Variants in ANO2 observed in about 807,000 individuals in gnomAD.
ANO2 encodes the protein anoctamin 2.
Under a neutral mutation model 124.2 loss-of-function variants are expected in ANO2, and 101 were observed. The observed-to-expected ratio is 0.81, with a 90% CI of 0.69 to 0.96. The LOEUF (loss-of-function observed/expected upper bound fraction) is 0.96, where lower values mean the gene tolerates loss of function less well. ANO2 is among the 40% of genes least tolerant of loss of function. The probability of loss-of-function intolerance (pLI) is 0.00; values close to 1 mark genes in which losing one functional copy is unlikely to be tolerated. For missense variants in ANO2, 1,293 were observed against 1,274.5 expected, an observed-to-expected ratio of 1.01 and a Z score of -0.22; for synonymous variants, 486 against 482.5, an observed-to-expected ratio of 1.01 and a Z score of -0.09.
chr12:5,695,540 T>A (rs1229680718), intron 14 of ANO2, among the ~76,000 whole-genome samples: 1 of 152,130 alleles, frequency 6.6e-6, no homozygotes, highest in Middle Eastern at 3.2e-3. Context: ...CAAAACACAC[T>A]TCTAAATAAC....
intron 3 of ANO2, among the ~76,000 whole-genome samples, chr12:5,867,648 G>C (rs1331863949): frequency 6.6e-6 from 1 of 152,100 alleles, no homozygotes; most frequent in East Asian, 1.9e-4. Flanking sequence ...ACTCAGCCTT[G>C]AGAGATATTA....
chr12:5,927,966 G>A (rs1942163007), intron 1 of ANO2, among the ~76,000 whole-genome samples: 1 of 152,176 alleles, frequency 6.6e-6, no homozygotes, highest in Non-Finnish European at 1.5e-5. Flanking sequence ...GAGAAGCTTG[G>A]GCATGTAGCT....
At chr12:5,939,951 G>A (rs1354081820) in intron 1 of ANO2, among the ~76,000 whole-genome samples, 2 of 152,176 alleles carry the variant, frequency 1.3e-5, no homozygotes, top group East Asian at 3.8e-4. Context: ...CTTATATTGT[G>A]TTAAAGTTAT....
intron 20 of ANO2, among the ~76,000 whole-genome samples, chr12:5,596,071 G>A (rs1008972010): frequency 2.0e-5 from 3 of 152,144 alleles, no homozygotes; most frequent in African/African-American, 4.8e-5. Flanking sequence ...CTATCTGGGT[G>A]AAATAATAAT....
At chr12:5,837,378 T>C (rs71459975) in intron 4 of ANO2, among the ~76,000 whole-genome samples, 1 of 143,402 alleles carries the variant, frequency 7.0e-6, no homozygotes, top group Admixed American at 7.4e-5. Context: ...GTGCACATTG[T>C]GCGTTAGTTA....
At chr12:5,919,548 G>A (rs921428523) in intron 3 of ANO2, among the ~76,000 whole-genome samples, 3 of 151,326 alleles carry the variant, frequency 2.0e-5, no homozygotes, top group African/African-American at 7.3e-5. Context: ...AAAGACCTGA[G>A]GTCAAGGTGC....
intron 10 of ANO2, among the ~76,000 whole-genome samples, chr12:5,763,160 A>G (rs1034803595): frequency 6.6e-6 from 1 of 152,032 alleles, no homozygotes; most frequent in Non-Finnish European, 1.5e-5. Context: ...GGGACATCCC[A>G]CAGGGACCAA....
At chr12:5,615,332 T>C (rs1303514728) in intron 16 of ANO2, 35 bp from the exon 17 acceptor site, 1 of 1,541,326 alleles carries the variant, frequency 6.5e-7, no homozygotes, top group South Asian at 1.2e-5. Context: ...GAGATTGGGG[T>C]GAGATTTCTC....
At chr12:5,736,580 T>A (rs1452652757) in intron 13 of ANO2, among the ~76,000 whole-genome samples, 1 of 152,208 alleles carries the variant, frequency 6.6e-6, no homozygotes, top group Admixed American at 6.5e-5. Flanking sequence ...TGCCTTCCAC[T>A]CACTCCTCGT....
chr12:5,923,148 A>C (rs1159543458), intron 1 of ANO2, among the ~76,000 whole-genome samples: 1 of 116,498 alleles, frequency 8.6e-6, no homozygotes, highest in Non-Finnish European at 1.8e-5. Context: ...ACACATGCAC[A>C]CATACACACA....
chr12:5,661,072 T>C (rs1296574716), intron 14 of ANO2, among the ~76,000 whole-genome samples: 1 of 151,542 alleles, frequency 6.6e-6, no homozygotes, highest in Non-Finnish European at 1.5e-5. Context: ...CAGCAAGGAG[T>C]GTTAAGTGAC....
chr12:5,744,111 T>A lies in ANO2; in HGVS notation c.1351+46A>T, dbSNP rs761277703. 1.2e-5 allele frequency: 19 copies of A among 1,609,060 alleles called. No homozygotes were observed. The Admixed American group carries it at 3.0e-4, about 25-fold the overall frequency. ...CTTTACAGCTTGGTCACTGTGCCCATGTAAAGGAACCACCCATATAAGCAA... is the reference window on the plus strand; with the variant it reads ...CTTTACAGCTTGGTCACTGTGCCCAAGTAAAGGAACCACCCATATAAGCAA... On this transcript the variant is annotated intron_variant, in intron 12 of 24. Transcript: ENST00000682330.
intron 11 of ANO2, among the ~76,000 whole-genome samples, chr12:5,747,148 T>A (rs1448071680): frequency 6.6e-6 from 1 of 152,236 alleles, no homozygotes; most frequent in Non-Finnish European, 1.5e-5. Flanking sequence ...GCTGGGCCCC[T>A]CTGTACTATC....
intron 10 of ANO2, among the ~76,000 whole-genome samples, chr12:5,789,106 C>T (rs1047519695): frequency 3.9e-5 from 6 of 152,096 alleles, no homozygotes; most frequent in Admixed American, 2.0e-4. Flanking sequence ...AAGAGATCAC[C>T]GCAGGATGAA....
chr12:5,808,526 G>A (rs908775173), intron 7 of ANO2, among the ~76,000 whole-genome samples: 1 of 152,112 alleles, frequency 6.6e-6, no homozygotes, highest in Non-Finnish European at 1.5e-5. Context: ...AATCATGGAG[G>A]GGGAGGAGAG....
At chr12:5,901,675 A>G (rs1261463263) in intron 3 of ANO2, among the ~76,000 whole-genome samples, 2 of 152,166 alleles carry the variant, frequency 1.3e-5, no homozygotes, top group Non-Finnish European at 2.9e-5. Context: ...AGATGGAGGA[A>G]CTCAAACCAG....
intron 14 of ANO2, among the ~76,000 whole-genome samples, chr12:5,667,212 T>C (rs1021095935): frequency 2.4e-4 from 37 of 152,058 alleles, no homozygotes; most frequent in African/African-American, 8.9e-4. Context: ...CAACAGACTT[T>C]AGTGAGTTCT....
At chr12:5,923,244 G>GCACGCACACACACCCA (rs1941903495) in intron 1 of ANO2, among the ~76,000 whole-genome samples, 9 of 110,470 alleles carry the variant, frequency 8.1e-5, no homozygotes, top group Non-Finnish European at 1.5e-4. Flanking sequence ...ATACACACAC[G>GCACGCACACACACCCA]CATACACACA....
At chr12:5,730,380 G>A (rs1252818163) in intron 14 of ANO2, among the ~76,000 whole-genome samples, 2 of 152,168 alleles carry the variant, frequency 1.3e-5, no homozygotes, top group Non-Finnish European at 2.9e-5. Flanking sequence ...CCAGCTACGT[G>A]GTCTTAAGCA....
Sources: gnomAD v4.1 joint callset for allele counts (sites outside exome capture counted in the v4.1 genomes callset) on GRCh38, gnomAD v4.1.1 for gene constraint, MANE v1.5 for transcripts, NCBI Gene and HGNC (gene_info 2026-07-23, HGNC 2026-07-21) for gene names.